The following MORC3 variants were observed in gnomAD, a reference collection of about 807,000 sequenced individuals.
MORC3 encodes the protein MORC family CW-type zinc finger 3, also known as MORC family CW-type zinc finger protein 3.
In MORC3, 31 loss-of-function variants were observed where a neutral mutation model predicts 109.1. The ratio of observed to expected loss-of-function variants is 0.28; its 90% CI spans 0.21 to 0.38. The LOEUF (loss-of-function observed/expected upper bound fraction) is 0.38, where lower values mean the gene tolerates loss of function less well. MORC3 is among the 10% of genes least tolerant of loss of function. The pLI is 1.00. For synonymous variants in MORC3, 395 were observed against 380.7 expected (o/e 1.04, Z -0.44); for missense variants, 867 against 1,135.8 (o/e 0.76, Z 3.40).
At chr21:36,361,464 A>G (rs770767879) in intron 12 of MORC3, among the ~76,000 whole-genome samples, 2 of 139,642 alleles carry the variant, frequency 1.4e-5, no homozygotes, top group Non-Finnish European at 3.0e-5. Flanking sequence ...AATCACTTGC[A>G]CCCAGGAGGC....
rs1569083778 is a variant in MORC3 at position 36,320,229 on chromosome 21, GGC to G, written c.-34_-33del. On this transcript the variant is annotated 5_prime_UTR_variant, in exon 1 of 17. Transcript: ENST00000400485. Reference sequence around the variant, plus strand: ...TTCCGCCACCTCCCAGTCGGGTTGCGGCGGAGGCCGTTCCTGGCTTTGTAGCT... The same window carrying G: ...TTCCGCCACCTCCCAGTCGGGTTGCGGGAGGCCGTTCCTGGCTTTGTAGCT... The G allele has an allele frequency of 6.4e-7, 1 of 1,570,282 alleles. No individual in the cohort carries two copies. The highest frequency in any genetic ancestry group is 1.2e-5 in the South Asian group (1 of 86,072).
chr21:36,357,010 G>A (rs2085652685), intron 10 of MORC3, among the ~76,000 whole-genome samples: 1 of 152,210 alleles, frequency 6.6e-6, no homozygotes, highest in Non-Finnish European at 1.5e-5. Flanking sequence ...CACTGGTATA[G>A]TGTATCATTA....
intron 1 of MORC3, among the ~76,000 whole-genome samples, chr21:36,327,730 G>T (rs939687168): frequency 6.6e-6 from 1 of 150,414 alleles, no homozygotes; most frequent in Non-Finnish European, 1.5e-5. Flanking sequence ...TAAATTGGCT[G>T]TTATCTCCCT....
At chr21:36,322,646 A>C (rs1334606891) in intron 1 of MORC3, among the ~76,000 whole-genome samples, 2 of 152,202 alleles carry the variant, frequency 1.3e-5, no homozygotes, top group African/African-American at 4.8e-5. Flanking sequence ...CACTGCGATT[A>C]CAGGCCTGAG....
intron 15 of MORC3, 63 bp downstream of exon 15, chr21:36,369,939 C>T: frequency 6.4e-7 from 1 of 1,554,732 alleles, no homozygotes; most frequent in East Asian, 2.2e-5. Flanking sequence ...TAAGAAGCTG[C>T]CAGTTGGCTG....
intron 9 of MORC3, among the ~76,000 whole-genome samples, chr21:36,349,703 C>A (rs2085549668): frequency 6.6e-6 from 1 of 152,134 alleles, no homozygotes; most frequent in African/African-American, 2.4e-5. Context: ...AGAAGTTATG[C>A]AAGTATTTTG....
chr21:36,373,735 T>C (rs1187117184), intron 16 of MORC3, among the ~76,000 whole-genome samples: 1 of 152,152 alleles, frequency 6.6e-6, no homozygotes, highest in Non-Finnish European at 1.5e-5. Context: ...CTCCGCATTA[T>C]CAGACTAAGG....
In MORC3 at chr21:36,337,844, A is replaced by G; in HGVS notation, c.358A>G (p.Lys120Glu). Residue 120 changes from lysine (K) to glutamate (E), a missense_variant, in exon 4 of 17, where the codon AAA becomes GAA. Lys to Glu is a moderately conservative substitution (Grantham distance 56). This residue lies in a region of MORC3 where 134 missense variants were observed against 166.6 expected (regional missense o/e 0.80). Coordinates refer to ENST00000400485, the MANE Select transcript of MORC3 (RefSeq NM_015358.3). ...GGGTAAAGACGCAATCGTTTTTACC[A>G]AAAATGGAGAAAGCATGAGCGTGGG... ...RLGKDAIVFT[K>E]NGESMSVGLL... is the part of the protein sequence containing the mutation. 6.2e-7 allele frequency: 1 copy of G among 1,614,228 alleles called. No homozygotes were observed. The highest frequency in any genetic ancestry group is 8.5e-7 in the Non-Finnish European group (1 of 1,180,038).
chr21:36,370,956 C>T (rs1459117430), intron 15 of MORC3, among the ~76,000 whole-genome samples: 1 of 151,892 alleles, frequency 6.6e-6, no homozygotes, highest in Admixed American at 6.6e-5. Flanking sequence ...GGCGTGAGCC[C>T]CCATGCCTGG....
intron 14 of MORC3, among the ~76,000 whole-genome samples, chr21:36,365,070 AC>A (rs1351598797): frequency 7.9e-5 from 12 of 151,146 alleles, no homozygotes; most frequent in African/African-American, 2.2e-4. Flanking sequence ...AAAAAAAAAA[AC>A]ATGAAGCAAT....
chr21:36,353,665 C>T (rs879536956), intron 9 of MORC3, among the ~76,000 whole-genome samples: 6 of 150,922 alleles, frequency 4.0e-5, no homozygotes, highest in Non-Finnish European at 2.9e-5. Context: ...TTGCAACCTC[C>T]GCCTCCTGGG....
chr21:36,373,779 C>T (rs1043043683), intron 16 of MORC3, among the ~76,000 whole-genome samples: 1 of 152,090 alleles, frequency 6.6e-6, no homozygotes, highest in African/African-American at 2.4e-5. Context: ...GATTTCCACT[C>T]GAGAAAAATC....
At chr21:36,340,917 G>T (rs2085438266) in intron 5 of MORC3, among the ~76,000 whole-genome samples, 1 of 152,270 alleles carries the variant, frequency 6.6e-6, no homozygotes, top group East Asian at 1.9e-4. Flanking sequence ...GATTACAGGC[G>T]TGAGCCACTG....
At chr21:36,333,587 G>C in intron 1 of MORC3, 59 bp from the exon 2 acceptor site, 1 of 1,402,406 alleles carries the variant, frequency 7.1e-7, no homozygotes, top group South Asian at 1.2e-5. Flanking sequence ...AAAAATACTG[G>C]TTTTTATTTT....
At chr21:36,354,290 A>C (rs2085615846) in intron 9 of MORC3, among the ~76,000 whole-genome samples, 1 of 136,636 alleles carries the variant, frequency 7.3e-6, no homozygotes, top group South Asian at 2.4e-4. Flanking sequence ...TGTCTGACTT[A>C]TTTCCATTTT....
At chr21:36,340,133 C>T (rs1569094310) in intron 5 of MORC3, among the ~76,000 whole-genome samples, 1 of 152,072 alleles carries the variant, frequency 6.6e-6, no homozygotes, top group Non-Finnish European at 1.5e-5. Flanking sequence ...AAAAAATTAG[C>T]TGGGCGCGGT....
intron 3 of MORC3, 98 bp from the exon 4 acceptor site, chr21:36,337,634 A>T: frequency 1.2e-6 from 1 of 831,178 alleles, no homozygotes; most frequent in Non-Finnish European, 1.7e-6. Context: ...ACTTGGTATT[A>T]CAATTAATGA....
chr21:36,356,435 G>T (rs1350835123), intron 9 of MORC3, among the ~76,000 whole-genome samples, 185 bp from the exon 10 acceptor site: 1 of 152,028 alleles, frequency 6.6e-6, no homozygotes, highest in Non-Finnish European at 1.5e-5. Flanking sequence ...TTTATTGAAA[G>T]AAAATTGTGT....
intron 1 of MORC3, among the ~76,000 whole-genome samples, chr21:36,328,691 G>A (rs2085277718): frequency 1.3e-5 from 2 of 151,824 alleles, no homozygotes; most frequent in Admixed American, 1.3e-4. Flanking sequence ...CAACGAGGCT[G>A]GTCTTGTACT....
Sources: allele counts gnomAD v4.1 joint callset (sites outside exome capture counted in the v4.1 genomes callset), GRCh38; gene constraint gnomAD v4.1.1; regional missense constraint gnomAD v4.1.1; transcripts MANE v1.5; gene names NCBI Gene and HGNC (gene_info 2026-07-23, HGNC 2026-07-21).